The following NLRP11 variants were observed in gnomAD, a reference collection of about 807,000 sequenced individuals.
The protein encoded by NLRP11 is NLR family pyrin domain containing 11, also known as NACHT, LRR and PYD domains-containing protein 11.
Under a neutral mutation model 79.3 loss-of-function variants are expected in NLRP11, and 53 were observed. That is an observed-to-expected ratio of 0.67 (90% CI 0.54 to 0.84). The LOEUF (loss-of-function observed/expected upper bound fraction) is 0.84. NLRP11 is among the 40% of genes least tolerant of loss of function. The pLI, the probability that NLRP11 is intolerant of heterozygous loss-of-function variation, is 0.00. For synonymous variants in NLRP11, 518 were observed against 462.6 expected (o/e 1.12, Z -1.54); for missense variants, 1,264 against 1,255.0 (o/e 1.01, Z -0.11).
chr19:55,828,834 G>A (rs905232361), intron 1 of NLRP11, among the ~76,000 whole-genome samples: 5 of 152,034 alleles, frequency 3.3e-5, no homozygotes, highest in Admixed American at 6.5e-5. Context: ...TTTACGTGTC[G>A]TGACTCTGGG....
chr19:55,795,407 G>GAGA (rs1978733952), intron 6 of NLRP11, among the ~76,000 whole-genome samples: 1 of 152,178 alleles, frequency 6.6e-6, no homozygotes. Flanking sequence ...TGTTCACTGT[G>GAGA]AGAACAATAT....
At chr19:55,814,485 C>A (rs1394039304) in intron 2 of NLRP11, among the ~76,000 whole-genome samples, 2 of 152,046 alleles carry the variant, frequency 1.3e-5, no homozygotes, top group African/African-American at 4.8e-5. Flanking sequence ...CACTGCTTTA[C>A]ACTATACCAG....
upstream of NLRP11, chr19:55,832,793 C>T (rs144817632): frequency 1.4e-3 from 212 of 152,278 alleles, 3 homozygotes; most frequent in African/African-American, 4.9e-3. Context: ...AAACAAAAAT[C>T]TCATAATGGA....
chr19:55,814,180 T>A (rs1018370577), intron 2 of NLRP11, among the ~76,000 whole-genome samples: 2 of 152,090 alleles, frequency 1.3e-5, no homozygotes, highest in African/African-American at 4.8e-5. Flanking sequence ...GAACTGCACA[T>A]AGGAGGGATA....
chr19:55,812,848 A>G (rs548577270), intron 2 of NLRP11, among the ~76,000 whole-genome samples: 5 of 152,168 alleles, frequency 3.3e-5, no homozygotes, highest in Non-Finnish European at 7.3e-5. Context: ...GTCACCTTTT[A>G]TGATGAGCAA....
upstream of NLRP11, chr19:55,832,137 G>A: frequency 6.6e-6 from 1 of 152,288 alleles, no homozygotes. Flanking sequence ...GCGTGTTTCT[G>A]CCCAGATGCC....
intron 1 of NLRP11, among the ~76,000 whole-genome samples, chr19:55,831,493 C>G (rs1026865790): frequency 6.6e-6 from 1 of 152,040 alleles, no homozygotes; most frequent in African/African-American, 2.4e-5. Flanking sequence ...ACCCAGGAGA[C>G]AGAGGTTGCA....
chr19:55,810,224 A>G, exon 3 of NLRP11: 1 of 1,614,188 alleles, frequency 6.2e-7, no homozygotes, highest in Non-Finnish European at 8.5e-7. Flanking sequence ...AAGTATGTAG[A>G]ACACATCTGA....
intron 1 of NLRP11, among the ~76,000 whole-genome samples, chr19:55,831,140 G>A (rs1157965076): frequency 1.0e-4 from 7 of 68,290 alleles, no homozygotes; most frequent in Non-Finnish European, 1.9e-4. Flanking sequence ...ACAACCAACT[G>A]AGCGGACCCC....
At chr19:55,801,665 T>C in exon 5 of NLRP11, 1 of 1,613,938 alleles carries the variant, frequency 6.2e-7, no homozygotes, top group Non-Finnish European at 8.5e-7. Flanking sequence ...GATACTCAGG[T>C]ATGTCAGGCT....
chr19:55,835,498 C>G (rs559459839), upstream of NLRP11, among the ~76,000 whole-genome samples: 1 of 151,394 alleles, frequency 6.6e-6, no homozygotes, highest in South Asian at 2.1e-4. Context: ...GTCAAGGGTT[C>G]GAGACCAGCC....
At chr19:55,821,244 CACACA>C (rs1455891589) in intron 1 of NLRP11, among the ~76,000 whole-genome samples, 2,060 of 122,926 alleles carry the variant, frequency 0.017, 28 homozygotes, top group Admixed American at 0.051. Context: ...CACACACACA[CACACA>C]CCCCAAGCAC....
rs1980302820 is a variant in NLRP11 at position 55,809,055 on chromosome 19, C to A, written c.1555G>T (p.Asp519Tyr). ...CCCACCGAGTACCACTTGAAGCTGT[C>A]TACCATCGGTAGCTGGTATCCAAAG... The change falls in exon 3 of 10, where the codon GAC (aspartate) becomes TAC (tyrosine). Residue 519 changes from aspartate (D) to tyrosine (Y), a missense_variant. Asp to Tyr is a radical substitution (Grantham distance 160). Transcript: ENST00000589093. This position sits in a 1 kb window ranked among gnomAD's most constrained non-coding sequence, Gnocchi z 4.5. 6.2e-7 allele frequency: 1 copy of A among 1,613,752 alleles called. No individual in the cohort carries two copies. Among genetic ancestry groups the A allele is most frequent in the Admixed American group, 1.7e-5 (1 of 60,000 alleles).
At chr19:55,805,538 G>GA (rs1555802670) in intron 4 of NLRP11, among the ~76,000 whole-genome samples, 1 of 147,260 alleles carries the variant, frequency 6.8e-6, no homozygotes, top group African/African-American at 2.5e-5. Context: ...TTAAGGTTTT[G>GA]TTTTTTTTTT....
intron 1 of NLRP11, among the ~76,000 whole-genome samples, chr19:55,829,620 T>C (rs2576449): frequency 0.11 from 14,956 of 130,630 alleles, 987 homozygotes; most frequent in East Asian, 0.26. Context: ...TGAGCCGAGA[T>C]GGCGCCACTG....
intron 2 of NLRP11, among the ~76,000 whole-genome samples, chr19:55,811,299 T>C (rs1281182280): frequency 2.0e-5 from 3 of 152,198 alleles, no homozygotes; most frequent in Admixed American, 6.5e-5. Flanking sequence ...AAAGCTGTCA[T>C]AGAGGTATGA....
chr19:55,800,428 C>T (rs902275358), intron 5 of NLRP11, among the ~76,000 whole-genome samples: 2 of 152,206 alleles, frequency 1.3e-5, no homozygotes, highest in Non-Finnish European at 2.9e-5. Context: ...TTGCTTCACC[C>T]TCTCGCATAG....
chr19:55,796,138 C>T (rs371690194), exon 6 of NLRP11: 95 of 1,613,938 alleles, frequency 5.9e-5, no homozygotes, highest in African/African-American at 8.0e-5. Context: ...ATGTTCATCC[C>T]GTCGCTCCTC....
intron 2 of NLRP11, among the ~76,000 whole-genome samples, chr19:55,816,087 A>G (rs974766432): frequency 6.6e-6 from 1 of 152,200 alleles, no homozygotes; most frequent in African/African-American, 2.4e-5. Flanking sequence ...AATATTGTAT[A>G]AAAGTTGTCT....
Sources: allele counts gnomAD v4.1 joint callset (sites outside exome capture counted in the v4.1 genomes callset), GRCh38; gene constraint gnomAD v4.1.1; non-coding constraint Gnocchi (gnomAD v3.1); transcripts MANE v1.5; gene names NCBI Gene and HGNC (gene_info 2026-07-23, HGNC 2026-07-21).